HECTD4: variants seen among roughly 807,000 people sequenced by gnomAD.
HECTD4 encodes HECT domain E3 ubiquitin protein ligase 4.
In HECTD4, 114 loss-of-function variants were observed where a neutral mutation model predicts 471.5. The ratio of observed to expected loss-of-function variants is 0.24; its 90% confidence interval spans 0.21 to 0.28. The LOEUF (loss-of-function observed/expected upper bound fraction) is 0.28. Among genes scored for constraint, HECTD4 ranks in the 10% least tolerant of loss-of-function variants. The pLI is 1.00. For synonymous variants in HECTD4, 2,012 were observed against 2,256.0 expected (o/e 0.89, Z 3.07); for missense variants, 3,866 against 5,651.5 (o/e 0.68, Z 10.13).
intron 37 of HECTD4, among the ~76,000 whole-genome samples, chr12:112,233,396 T>A (rs1188117036): frequency 1.3e-5 from 2 of 151,658 alleles, no homozygotes; most frequent in Non-Finnish European, 2.9e-5. Flanking sequence ...CTAATTTTTG[T>A]ATTTTTTGAA....
intron 4 of HECTD4, among the ~76,000 whole-genome samples, chr12:112,311,848 C>G (rs957156631): frequency 3.9e-5 from 6 of 152,056 alleles, no homozygotes; most frequent in African/African-American, 1.4e-4. Context: ...AAGTTGGAGC[C>G]GATAATGTCT....
chr12:112,190,211 T>C (rs2032032825), intron 60 of HECTD4, among the ~76,000 whole-genome samples: 1 of 152,270 alleles, frequency 6.6e-6, no homozygotes, highest in Non-Finnish European at 1.5e-5. Flanking sequence ...TCTACTCCTC[T>C]ATTCATCCAC....
chr12:112,309,827 T>C (rs2035338011), intron 4 of HECTD4, among the ~76,000 whole-genome samples, 158 bp from the exon 5 acceptor site: 1 of 152,208 alleles, frequency 6.6e-6, no homozygotes, highest in Non-Finnish European at 1.5e-5. Context: ...GAAGATGGCT[T>C]GAGCCCCCAA....
intron 65 of HECTD4, 105 bp from the exon 66 acceptor site, chr12:112,175,964 A>C: frequency 1.4e-6 from 2 of 1,391,750 alleles, no homozygotes; most frequent in Middle Eastern, 2.5e-4. Context: ...GGCCCAACCC[A>C]TCTAATTCCC....
chr12:112,382,129 G>A lies in HECTD4; in HGVS notation c.-1C>T. The A allele has an allele frequency of 8.2e-7, 1 of 1,217,138 alleles. No homozygotes were observed. Among genetic ancestry groups the A allele is most frequent in the Non-Finnish European group, 1.0e-6 (1 of 981,740 alleles). 75.4% of individuals were successfully genotyped at this position (1,217,138 alleles called of 1,614,324 possible). On this transcript the variant is annotated 5_prime_UTR_variant, in exon 1 of 76. Transcript: ENST00000682272. ...CCGCCGCGGCCGCCGACGAGCCCAT[G>A]GCCCCGGCTGAAGGCTTGGCGCTGA... is the stretch of plus-strand genomic sequence containing the variant.
intron 29 of HECTD4, among the ~76,000 whole-genome samples, 171 bp from the exon 30 acceptor site, chr12:112,244,180 G>A (rs897420390): frequency 2.0e-5 from 3 of 151,686 alleles, no homozygotes; most frequent in African/African-American, 7.3e-5. Flanking sequence ...TTTAACCTAA[G>A]TATTAGGTTA....
chr12:112,311,180 T>G (rs189501055), intron 4 of HECTD4, among the ~76,000 whole-genome samples: 20 of 151,742 alleles, frequency 1.3e-4, no homozygotes, highest in Admixed American at 4.6e-4. Context: ...GAGAATTGCT[T>G]GAACCTGGGA....
intron 1 of HECTD4, among the ~76,000 whole-genome samples, chr12:112,379,717 T>TTATATATATATA (rs56053560): frequency 9.5e-5 from 14 of 147,418 alleles, no homozygotes; most frequent in African/African-American, 3.5e-4. Flanking sequence ...AAAAGATTTT[T>TTATATATATATA]TATATATATA....
chr12:112,347,476 C>T (rs1827719100), intron 1 of HECTD4, among the ~76,000 whole-genome samples: 1 of 152,068 alleles, frequency 6.6e-6, no homozygotes, highest in African/African-American at 2.4e-5. Flanking sequence ...CACCACTGCA[C>T]TCCAGCCTGG....
rs988310570 is a variant in HECTD4 at position 112,375,928 on chromosome 12, A to C, written c.177+6024T>G. Reference sequence around the variant, plus strand: ...TACTAAAAATACAAAAAAAAAAAAAAAATTAGCTGGGGTGAGGGTCGCTTG... The same window carrying C: ...TACTAAAAATACAAAAAAAAAAAAACAATTAGCTGGGGTGAGGGTCGCTTG... On this transcript the variant is annotated intron_variant, in intron 1 of 75. Transcript: ENST00000682272. 1.1e-3 allele frequency among the ~76,000 whole-genome samples: 173 copies of C among 151,816 alleles called. 1 individual carries two copies. In the South Asian group the frequency reaches 0.015, roughly 13 times the overall value.
rs375139464 is a variant in HECTD4, at chr12:112,239,218, C to A, written c.5124G>T (p.Leu1708=). 2.5e-6 allele frequency: 4 copies of A among 1,611,684 alleles called. 1 individual carries two copies. The highest frequency in any genetic ancestry group is 3.4e-6 in the Non-Finnish European group (4 of 1,178,978). The change falls in exon 34 of 76, where the codon CTG becomes CTT. Residue 1708 remains leucine, a synonymous_variant. Transcript: ENST00000682272. This position sits in a 1 kb window ranked among gnomAD's most constrained non-coding sequence, Gnocchi z 4.9. The stretch of plus-strand genomic sequence containing the variant: ...TGAGCTGCACAAGGCCACTGCGTAC[C>A]AGGCACTTCTCTTCGCTCCTGACAA... The part of the protein sequence containing the change: ...IPYTRSEEKC[L]VRSGLVQLMD...
chr12:112,306,289 T>C (rs1056265932), intron 6 of HECTD4, 55 bp from the exon 7 acceptor site: 1 of 1,311,262 alleles, frequency 7.6e-7, no homozygotes, highest in African/African-American at 1.5e-5. Context: ...TTCTGATTAA[T>C]CCTATCAGCT....
intron 1 of HECTD4, among the ~76,000 whole-genome samples, chr12:112,370,575 T>G (rs1227805157): frequency 3.3e-5 from 5 of 152,174 alleles, no homozygotes; most frequent in African/African-American, 1.2e-4. Context: ...GTATGACATC[T>G]TTATGTAAAA....
At chr12:112,242,901 A>C (rs1458374434) in intron 32 of HECTD4, among the ~76,000 whole-genome samples, 1 of 152,148 alleles carries the variant, frequency 6.6e-6, no homozygotes, top group Non-Finnish European at 1.5e-5. Flanking sequence ...ACAGAGTGAG[A>C]CTCTGTGTCA....
chr12:112,323,998 C>T (rs1264248739), intron 1 of HECTD4, among the ~76,000 whole-genome samples: 9 of 41,302 alleles, frequency 2.2e-4, no homozygotes, highest in African/African-American at 1.5e-3. Context: ...TCCTTCCTTC[C>T]TTCCTTCCTT....
rs774850739 is a variant in HECTD4 at position 112,250,206 on chromosome 12, T to G, written c.3888A>C (p.Gly1296=). The change falls in exon 25 of 76, where the codon GGA becomes GGC. Residue 1296 remains glycine, a synonymous_variant. Coordinates refer to ENST00000682272, the MANE Select transcript of HECTD4 (RefSeq NM_001388303.1). ...AAATTTCCCTGAGCTTTATCATGAT[T>G]CCTGGAGGCAGTCTGATCCGAGGCA... ...FDLPRIRLPP[G]IMIKLREISG... The G allele has an allele frequency of 5.0e-6, 8 of 1,613,984 alleles. No individual in the cohort carries two copies.
chr12:112,244,524 A>C (rs2033713795), intron 29 of HECTD4, among the ~76,000 whole-genome samples: 1 of 152,084 alleles, frequency 6.6e-6, no homozygotes, highest in African/African-American at 2.4e-5. Flanking sequence ...GTGCACCACC[A>C]CGCCCAGGTA....
chr12:112,236,457 G>T (rs1376926394), intron 35 of HECTD4, among the ~76,000 whole-genome samples: 2 of 152,180 alleles, frequency 1.3e-5, no homozygotes, highest in African/African-American at 2.4e-5. Flanking sequence ...AGCTAAAACT[G>T]TTATATTCCA....
At chr12:112,212,434 A>G in intron 49 of HECTD4, 53 bp downstream of exon 49, 1 of 1,431,306 alleles carries the variant, frequency 7.0e-7, no homozygotes, top group Non-Finnish European at 9.8e-7. Flanking sequence ...CATGTCTAAC[A>G]GGAACAGGTG....
Sources: allele counts gnomAD v4.1 joint callset (sites outside exome capture counted in the v4.1 genomes callset), GRCh38; gene constraint gnomAD v4.1.1; non-coding constraint Gnocchi (gnomAD v3.1); transcripts MANE v1.5; gene names NCBI Gene and HGNC (gene_info 2026-07-23, HGNC 2026-07-21).